PLGRKT: variants seen among roughly 807,000 people sequenced by gnomAD.
PLGRKT encodes the protein plasminogen receptor (KT).
In PLGRKT, 22 loss-of-function variants were observed where a neutral mutation model predicts 18.5. The observed-to-expected ratio is 1.19, with a 90% confidence interval of 0.85 to 1.70. PLGRKT has a LOEUF of 1.70. PLGRKT is among the 40% of genes most tolerant of loss of function. The pLI is 0.00. For synonymous variants in PLGRKT, 72 were observed against 52.8 expected (o/e 1.36, Z -1.58); for missense variants, 235 against 174.4 (o/e 1.35, Z -1.96).
chr9:5,415,108 C>T (rs1818433938), intron 3 of PLGRKT, among the ~76,000 whole-genome samples: 1 of 152,044 alleles, frequency 6.6e-6, no homozygotes, highest in Non-Finnish European at 1.5e-5. Context: ...AATTCCAGGC[C>T]TGGAGCAGGA....
intron 3 of PLGRKT, among the ~76,000 whole-genome samples, chr9:5,379,899 G>A (rs940032617): frequency 1.3e-5 from 2 of 152,018 alleles, no homozygotes; most frequent in African/African-American, 2.4e-5. Context: ...TTTCATGTCC[G>A]GGAAGTTACC....
intron 3 of PLGRKT, among the ~76,000 whole-genome samples, chr9:5,411,681 C>G (rs1177455478): frequency 6.6e-6 from 1 of 152,208 alleles, no homozygotes; most frequent in Non-Finnish European, 1.5e-5. Context: ...CATCCTCTTG[C>G]TGGCTAGGTA....
At chr9:5,388,472 A>G (rs1192479095) in intron 3 of PLGRKT, among the ~76,000 whole-genome samples, 2 of 152,028 alleles carry the variant, frequency 1.3e-5, no homozygotes, top group African/African-American at 2.4e-5. Context: ...AATCTATATA[A>G]ACTCACTATT....
intron 3 of PLGRKT, among the ~76,000 whole-genome samples, chr9:5,379,816 G>T (rs1817702432): frequency 6.6e-6 from 1 of 152,172 alleles, no homozygotes; most frequent in Non-Finnish European, 1.5e-5. Flanking sequence ...GAAAGCAGAA[G>T]AGTACAGTAG....
chr9:5,388,986 T>C (rs1817895727), intron 3 of PLGRKT, among the ~76,000 whole-genome samples: 1 of 151,954 alleles, frequency 6.6e-6, no homozygotes, highest in African/African-American at 2.4e-5. Flanking sequence ...GTTGATAAAG[T>C]TGGCTTATTG....
chr9:5,389,742 AGTTT>A (rs1817912853), intron 3 of PLGRKT, among the ~76,000 whole-genome samples: 1 of 151,876 alleles, frequency 6.6e-6, no homozygotes, highest in Non-Finnish European at 1.5e-5. Context: ...AAGAGATAGG[AGTTT>A]GTTAGCCTGC....
intron 2 of PLGRKT, among the ~76,000 whole-genome samples, chr9:5,435,501 T>C (rs929627119): frequency 6.6e-6 from 1 of 152,156 alleles, no homozygotes; most frequent in African/African-American, 2.4e-5. Context: ...CAAGATAGCA[T>C]GTACTAAAGT....
rs1017030608 is a variant in PLGRKT at position 5,390,155 on chromosome 9, C to T, written c.82-28267G>A. ...TGGGAGGGTATTTTTGCTTAAAATA[C>T]CAGCAATTCTCAACTCTGTGACTAA... On this transcript the variant is annotated intron_variant, in intron 3 of 5. Transcript: ENST00000223864. Among the ~76,000 whole-genome samples the T allele has an allele frequency of 2.6e-5, 4 of 151,478 alleles. 1 individual carries two copies. Among genetic ancestry groups the T allele is most frequent in the African/African-American group, 4.9e-5 (2 of 40,896 alleles).
At chr9:5,360,787 T>C (rs1416953633) in intron 5 of PLGRKT, among the ~76,000 whole-genome samples, 1 of 152,228 alleles carries the variant, frequency 6.6e-6, no homozygotes, top group Non-Finnish European at 1.5e-5. Flanking sequence ...TTTAATATTA[T>C]TTATTTGCTG....
At chr9:5,363,084 G>A (rs193237231) in intron 3 of PLGRKT, among the ~76,000 whole-genome samples, 3 of 151,980 alleles carry the variant, frequency 2.0e-5, no homozygotes, top group Admixed American at 1.3e-4. Flanking sequence ...TTGAGAGCAG[G>A]GGGACTACCA....
intron 3 of PLGRKT, among the ~76,000 whole-genome samples, chr9:5,387,051 T>G (rs1057318355): frequency 6.6e-6 from 1 of 151,930 alleles, no homozygotes; most frequent in African/African-American, 2.4e-5. Flanking sequence ...CAAACTTTAA[T>G]GTGTGTGTGA....
intron 3 of PLGRKT, among the ~76,000 whole-genome samples, chr9:5,405,083 A>T (rs1400193901): frequency 2.6e-5 from 4 of 152,130 alleles, no homozygotes; most frequent in African/African-American, 7.2e-5. Context: ...GAAGTGAAGG[A>T]CCTCTTCAAT....
At position 5,361,749 on chromosome 9, in the gene PLGRKT, C is replaced by G; in HGVS notation, c.212+9G>C. 2 of 1,591,058 alleles carry G rather than the reference C, an allele frequency of 1.3e-6. No individual in the cohort carries two copies. The highest frequency in any genetic ancestry group is 2.3e-5 in the South Asian group (2 of 86,154). ...AATGACTGAAGAAAATGTTAAATAG[C>G]AAACATACCCAGCTGTTAAAGAGAT... On this transcript the variant is annotated intron_variant, in intron 4 of 5. Transcript: ENST00000223864.
At chr9:5,398,340 G>C (rs11791597) in intron 3 of PLGRKT, among the ~76,000 whole-genome samples, 10 of 151,872 alleles carry the variant, frequency 6.6e-5, no homozygotes, top group Non-Finnish European at 1.3e-4. Context: ...TTTAATCACA[G>C]ATGAAAAGTA....
intron 3 of PLGRKT, among the ~76,000 whole-genome samples, chr9:5,392,042 G>A (rs1176512935): frequency 1.3e-5 from 2 of 151,950 alleles, no homozygotes; most frequent in African/African-American, 4.9e-5. Flanking sequence ...TATGTACCAT[G>A]AGACCTAGAG....
intron 3 of PLGRKT, among the ~76,000 whole-genome samples, chr9:5,417,549 G>A (rs906077940): frequency 4.0e-5 from 6 of 150,144 alleles, no homozygotes; most frequent in African/African-American, 1.2e-4. Flanking sequence ...AAATGTGTGT[G>A]TCAAGGGACA....
At chr9:5,411,152 G>A (rs1304061177) in intron 3 of PLGRKT, among the ~76,000 whole-genome samples, 1 of 152,074 alleles carries the variant, frequency 6.6e-6, no homozygotes, top group African/African-American at 2.4e-5. Context: ...GGGAGGCCGA[G>A]GCAGGTGGAC....
intron 3 of PLGRKT, among the ~76,000 whole-genome samples, chr9:5,408,056 G>C (rs891665769): frequency 6.6e-6 from 1 of 152,152 alleles, no homozygotes; most frequent in Non-Finnish European, 1.5e-5. Flanking sequence ...TTTTCTCTGA[G>C]GGAATAACTG....
intron 3 of PLGRKT, among the ~76,000 whole-genome samples, chr9:5,379,886 T>C (rs933639717): frequency 2.0e-5 from 3 of 152,182 alleles, no homozygotes; most frequent in Non-Finnish European, 2.9e-5. Flanking sequence ...TTCTCCCCAA[T>C]AATTTCATGT....
Sources: allele counts gnomAD v4.1 joint callset (sites outside exome capture counted in the v4.1 genomes callset), GRCh38; gene constraint gnomAD v4.1.1; transcripts MANE v1.5; gene names NCBI Gene and HGNC (gene_info 2026-07-23, HGNC 2026-07-21).